AVEN: variants seen among roughly 807,000 people sequenced by gnomAD.
AVEN encodes cell death regulator Aven.
In AVEN, 41 loss-of-function variants were observed where a neutral mutation model predicts 38.1. The observed-to-expected ratio is 1.08, with a 90% CI of 0.84 to 1.40. AVEN has a LOEUF of 1.40. Ranked by LOEUF, AVEN falls within the 40% of genes most tolerant of loss-of-function variation. The pLI, the probability that AVEN is intolerant of heterozygous loss-of-function variation, is 0.00. For missense variants in AVEN, 605 were observed against 438.8 expected, an observed-to-expected ratio of 1.38 and a Z score of -3.38; for synonymous variants, 206 against 171.8, an observed-to-expected ratio of 1.20 and a Z score of -1.56.
chr15:34,037,243 T>C (rs1217451177), intron 1 of AVEN, among the ~76,000 whole-genome samples: 1 of 152,092 alleles, frequency 6.6e-6, no homozygotes, highest in African/African-American at 2.4e-5. Context: ...CCAGACACCA[T>C]AGTTAACACC....
chr15:33,905,045 AC>A (rs1042957971), intron 2 of AVEN, among the ~76,000 whole-genome samples: 17 of 148,790 alleles, frequency 1.1e-4, no homozygotes, highest in African/African-American at 3.8e-4. Flanking sequence ...CAGGAGAATC[AC>A]TTGAACCTGG....
chr15:33,991,460 A>T (rs1218925456), intron 2 of AVEN: 1 of 152,074 alleles, frequency 6.6e-6, no homozygotes, highest in African/African-American at 2.4e-5. Context: ...TATCTCATAT[A>T]CCCAGTAAAT....
At position 34,063,434 on chromosome 15, in the gene AVEN, T is replaced by G. The variant is rs1356226485; in HGVS notation, n.1127-2A>C. The G allele has an allele frequency of 1.2e-6, 2 of 1,613,890 alleles. No homozygotes were observed. Among genetic ancestry groups the G allele is most frequent in the Middle Eastern group, 3.3e-4 (2 of 6,062 alleles). On this transcript the variant is annotated splice_acceptor_variant and non_coding_transcript_variant, in intron 4 of 11. Transcript: ENST00000675287. This position sits in a 1 kb window ranked among gnomAD's most constrained non-coding sequence, Gnocchi z 4.1. ...AGGGTTCTGACTCTGTGACCAAAGC[T>G]GAGAAGAGAAAGCCAGCTCATAGGG...
chr15:33,996,094 G>A (rs1402708134), intron 2 of AVEN, among the ~76,000 whole-genome samples: 2 of 152,254 alleles, frequency 1.3e-5, no homozygotes, highest in Admixed American at 6.5e-5. Flanking sequence ...AGCAGTCTGA[G>A]ATAGACCTGT....
At chr15:33,939,707 A>G (rs658141) in intron 2 of AVEN, among the ~76,000 whole-genome samples, 84,748 of 152,094 alleles carry the variant, frequency 0.56, 26,826 homozygotes, top group East Asian at 0.75. Context: ...CTAAAATTCT[A>G]TAAGCCTTCT....
intron 2 of AVEN, among the ~76,000 whole-genome samples, chr15:33,981,410 T>C (rs950068684): frequency 2.1e-5 from 3 of 142,950 alleles, no homozygotes; most frequent in Admixed American, 1.5e-4. Context: ...CCCATTGTCA[T>C]GACCAGATCA....
intron 2 of AVEN, among the ~76,000 whole-genome samples, chr15:33,974,001 A>G (rs1895760950): frequency 1.3e-5 from 2 of 152,220 alleles, no homozygotes; most frequent in Non-Finnish European, 2.9e-5. Context: ...AGTAGTTTAT[A>G]CTGAAATAAT....
At chr15:33,942,795 A>C (rs2153054108) in intron 2 of AVEN, among the ~76,000 whole-genome samples, 1 of 152,298 alleles carries the variant, frequency 6.6e-6, no homozygotes, top group Middle Eastern at 3.4e-3. Context: ...CTTCTCAATT[A>C]CAATATCCTG....
intron 5 of AVEN, among the ~76,000 whole-genome samples, chr15:34,050,168 G>A (rs67304389): frequency 0.087 from 13,263 of 152,024 alleles, 800 homozygotes; most frequent in Non-Finnish European, 0.13. Flanking sequence ...GATTACAGGC[G>A]TGAGCCCCCA....
At chr15:33,886,431 G>T (rs61027076) in intron 2 of AVEN, among the ~76,000 whole-genome samples, 13,425 of 152,148 alleles carry the variant, frequency 0.088, 893 homozygotes, top group African/African-American at 0.18. Flanking sequence ...CCCTCCCAAA[G>T]AGCTGGGACT....
chr15:34,068,887 C>T (rs565061238), intron 2 of AVEN, among the ~76,000 whole-genome samples: 2 of 150,078 alleles, frequency 1.3e-5, no homozygotes, highest in African/African-American at 4.9e-5. Context: ...TCTCGGCTCA[C>T]TGCAAGGTCC....
intron 2 of AVEN, among the ~76,000 whole-genome samples, chr15:33,888,415 C>T (rs968088919): frequency 3.3e-5 from 5 of 152,014 alleles, no homozygotes; most frequent in African/African-American, 1.2e-4. Context: ...CAAAGAGCTG[C>T]CCAGGCAAAA....
chr15:33,970,393 A>G (rs2140493232), intron 2 of AVEN, among the ~76,000 whole-genome samples: 1 of 152,136 alleles, frequency 6.6e-6, no homozygotes, highest in South Asian at 2.1e-4. Flanking sequence ...CAGCAATTTA[A>G]TACAAGTAGT....
At chr15:33,983,160 A>G (rs11633066) in intron 2 of AVEN, among the ~76,000 whole-genome samples, 1,845 of 64,510 alleles carry the variant, frequency 0.029, 45 homozygotes, top group African/African-American at 0.14. Context: ...GTGTGTGTGT[A>G]TGTGTGTGTG....
intron 1 of AVEN, among the ~76,000 whole-genome samples, chr15:34,015,170 A>G (rs1441705496): frequency 6.6e-6 from 1 of 152,196 alleles, no homozygotes; most frequent in Non-Finnish European, 1.5e-5. Flanking sequence ...AAAGATAACA[A>G]AGGAGCACTT....
Position 33,867,939 on chromosome 15 carries a change from C to T in AVEN, c.613-84G>A, listed in dbSNP as rs1890744821. ...TAAATACATAGGAGGCTAAACGAAGCCATCAAACTTTGTGACAGAGGAAAC... is the reference window on the plus strand; with the variant it reads ...TAAATACATAGGAGGCTAAACGAAGTCATCAAACTTTGTGACAGAGGAAAC... On this transcript the variant is annotated intron_variant, in intron 4 of 5. Coordinates refer to ENST00000306730, the MANE Select transcript of AVEN (RefSeq NM_020371.3). The T allele has an allele frequency of 1.1e-5, 16 of 1,474,830 alleles. No homozygotes were observed. In the South Asian group the frequency reaches 1.8e-4, roughly 17 times the overall value. The allele number at this position is 1,474,830 out of a possible 1,614,324, so 91.4% of individuals were successfully genotyped here.
At chr15:33,878,331 C>T (rs529551834) in intron 2 of AVEN, among the ~76,000 whole-genome samples, 13 of 152,092 alleles carry the variant, frequency 8.5e-5, no homozygotes, top group Non-Finnish European at 1.2e-4. Context: ...AACATAAGAA[C>T]AGAAGAGTGT....
chr15:34,050,279 A>C (rs1160992781), intron 5 of AVEN, among the ~76,000 whole-genome samples: 1 of 152,230 alleles, frequency 6.6e-6, no homozygotes, highest in Non-Finnish European at 1.5e-5. Flanking sequence ...GATCCTTTGC[A>C]GACAAGCAAA....
rs549884287 is a variant in AVEN, at chr15:33,925,023, T to C, written c.446-49028A>G. Among the ~76,000 whole-genome samples the C allele has an allele frequency of 4.6e-5, 7 of 152,370 alleles. No individual in the cohort carries two copies. The South Asian group carries it at 1.4e-3, about 32-fold the overall frequency. ...CTACAAACAACCTTATGTTACCAAATTTCGCTTTAGGAAATATTTAATTAT... is the reference window on the plus strand; with the variant it reads ...CTACAAACAACCTTATGTTACCAAACTTCGCTTTAGGAAATATTTAATTAT... On this transcript the variant is annotated intron_variant, in intron 2 of 5. Coordinates refer to ENST00000306730, the MANE Select transcript of AVEN (RefSeq NM_020371.3).
Sources: allele counts gnomAD v4.1 joint callset (sites outside exome capture counted in the v4.1 genomes callset), GRCh38; gene constraint gnomAD v4.1.1; non-coding constraint Gnocchi (gnomAD v3.1); transcripts MANE v1.5; gene names NCBI Gene and HGNC (gene_info 2026-07-23, HGNC 2026-07-21).